Variants in HOMER3 observed in about 807,000 individuals in gnomAD.
The protein encoded by HOMER3 is homer scaffold protein 3, also known as homer protein homolog 3.
HOMER3 carries 34 observed loss-of-function variants against 45.5 expected under a neutral mutation model. The ratio of observed to expected loss-of-function variants is 0.75; its 90% CI spans 0.57 to 1.00. HOMER3 has a LOEUF of 1.00. Ranked by LOEUF, HOMER3 falls within the 50% of genes least tolerant of loss-of-function variation. The probability of loss-of-function intolerance (pLI) is 0.00; values close to 1 mark genes in which losing one functional copy is unlikely to be tolerated. For missense variants in HOMER3, 480 were observed against 497.5 expected (o/e 0.96, Z 0.33); for synonymous variants, 223 against 208.8 (o/e 1.07, Z -0.58).
Position 18,931,998 on chromosome 19 carries a change from T to TGCG in HOMER3, c.667_668insCGC (p.Glu223delinsAlaGln). 2 of 1,544,128 alleles carry TGCG rather than the reference T, an allele frequency of 1.3e-6. No individual in the cohort carries two copies. The highest frequency in any genetic ancestry group is 1.7e-6 in the Non-Finnish European group (2 of 1,145,102). ...CACCCGCTGCCGCAGCCGCTCGGCC[T>TGCG]CTGCACGCTGAGCCTCCAGCTGCTG... On this transcript the variant is annotated protein_altering_variant, in exon 7 of 10. Coordinates refer to ENST00000392351, the MANE Select transcript of HOMER3 (RefSeq NM_004838.4).
At chr19:18,938,207 A>G in intron 4 of HOMER3, 146 bp downstream of exon 4, 1 of 843,532 alleles carries the variant, frequency 1.2e-6, no homozygotes, top group East Asian at 2.5e-5. Context: ...GGGGAAGCTT[A>G]AAGGGGCTTC....
At chr19:18,931,269 G>C in intron 9 of HOMER3, 56 bp downstream of exon 9, 1 of 1,411,976 alleles carries the variant, frequency 7.1e-7, no homozygotes, top group Non-Finnish European at 1.0e-6. Context: ...TGTCCTGAGT[G>C]TCTGTTGAGG....
intron 4 of HOMER3, 73 bp downstream of exon 4, chr19:18,938,280 C>A: frequency 2.6e-6 from 4 of 1,519,918 alleles, no homozygotes; most frequent in Non-Finnish European, 3.6e-6. Flanking sequence ...GCCCAAGATC[C>A]CAGAGTGAGC....
chr19:18,938,540 AC>A, intron 3 of HOMER3, 56 bp from the exon 4 acceptor site: 1 of 1,581,636 alleles, frequency 6.3e-7, no homozygotes, highest in Non-Finnish European at 8.7e-7. Flanking sequence ...CAAACATGAA[AC>A]CCCCCAGGTA....
rs73529159 is a variant in HOMER3, at chr19:18,933,049, G to C, written c.412-4C>G. On this transcript the variant is annotated splice_polypyrimidine_tract_variant and splice_region_variant and intron_variant, in intron 5 of 9. Coordinates refer to ENST00000392351, the MANE Select transcript of HOMER3 (RefSeq NM_004838.4). ...TGACGAGAGGGCTCGGGGGCACCTA[G>C]GCACGGGGAAAAGAATAGGTCACGA... 385 of 1,489,284 alleles carry C rather than the reference G, an allele frequency of 2.6e-4. No homozygotes were observed. Among genetic ancestry groups the C allele is most frequent in the Non-Finnish European group, 3.2e-4 (361 of 1,124,522 alleles). The allele number at this position is 1,489,284 out of a possible 1,614,324, so 92.3% of individuals were successfully genotyped here. A position where few individuals can be genotyped will look rare whatever the true frequency, so the allele number is the denominator to read the frequency against.
intron 6 of HOMER3, 51 bp downstream of exon 6, chr19:18,932,873 T>TCCCCCCCCCCCAAACCCC: frequency 1.1e-6 from 1 of 877,174 alleles, no homozygotes; most frequent in Non-Finnish European, 1.6e-6. Context: ...CGCCTCCTCG[T>TCCCCCCCCCCCAAACCCC]CCCCCACCCC....
At chr19:18,938,324 C>G (rs754362824) in intron 4 of HOMER3, 29 bp downstream of exon 4, 4 of 1,589,540 alleles carry the variant, frequency 2.5e-6, no homozygotes, top group Non-Finnish European at 3.4e-6. Context: ...CTCATCGGTT[C>G]CCTCCACTCT....
chr19:18,936,474 T>G (rs909447927), intron 4 of HOMER3, among the ~76,000 whole-genome samples: 1 of 151,322 alleles, frequency 6.6e-6, no homozygotes, highest in Non-Finnish European at 1.5e-5. Context: ...CTGTCTCTGC[T>G]AAGAATACAA....
At chr19:18,938,212 G>A in intron 4 of HOMER3, 141 bp downstream of exon 4, 1 of 872,356 alleles carries the variant, frequency 1.1e-6, no homozygotes, top group Non-Finnish European at 1.7e-6. Flanking sequence ...AGCTTAAAGG[G>A]GCTTCAGTCT....
downstream of HOMER3, chr19:18,929,202 C>T (rs2056999985): frequency 1.3e-6 from 1 of 759,206 alleles, no homozygotes. Context: ...ACACACACAG[C>T]CACGCTTAGA....
intron 6 of HOMER3, 68 bp from the exon 7 acceptor site, chr19:18,932,200 T>G: frequency 1.7e-6 from 2 of 1,156,378 alleles, no homozygotes; most frequent in Non-Finnish European, 2.2e-6. Context: ...GATGCTGGGC[T>G]AGGGGGCGGG....
intron 1 of HOMER3, chr19:18,939,293 T>A: frequency 3.1e-6 from 1 of 326,662 alleles, no homozygotes; most frequent in Non-Finnish European, 5.6e-6. Context: ...TTTAAACAAT[T>A]AGCTGGGTGT....
At chr19:18,934,256 T>C (rs1339012818) in intron 5 of HOMER3, 47 bp downstream of exon 5, 27 of 1,162,660 alleles carry the variant, frequency 2.3e-5, no homozygotes, top group Non-Finnish European at 2.3e-5. Flanking sequence ...AGCGCCTGGC[T>C]GACTCACAGG....
At chr19:18,940,028 A>C (rs556070375) in intron 1 of HOMER3, 2 of 152,680 alleles carry the variant, frequency 1.3e-5, no homozygotes, top group East Asian at 3.9e-4. Context: ...GCAGGGGACC[A>C]AGGAGGAGTT....
intron 5 of HOMER3, among the ~76,000 whole-genome samples, chr19:18,933,525 C>T (rs1454966599): frequency 1.3e-5 from 2 of 152,292 alleles, no homozygotes; most frequent in East Asian, 3.9e-4. Flanking sequence ...GAGAGGCCAG[C>T]GCCACCGCAG....
intron 9 of HOMER3, among the ~76,000 whole-genome samples, chr19:18,930,073 A>C (rs2057014140): frequency 6.6e-6 from 1 of 151,604 alleles, no homozygotes; most frequent in Non-Finnish European, 1.5e-5. Context: ...AACATGGTAA[A>C]ACTCCATCTC....
rs1327132158 is a variant in HOMER3 at position 18,931,561 on chromosome 19, C to T, written c.755G>A (p.Gly252Asp). Residue 252 changes from glycine to aspartate, a missense_variant, in exon 8 of 10, where the codon GGC (glycine) becomes GAC (aspartate). Coordinates refer to ENST00000392351, the MANE Select transcript of HOMER3 (RefSeq NM_004838.4). ...CAGCTGTTCCAGCGACTGGCCCTGG[C>T]CCAGCCCCTCCTTCTCACCGGTGGG... Reference protein sequence around the residue: ...VTPTGEKEGLGQGQSLEQLEA... With the variant: ...VTPTGEKEGLDQGQSLEQLEA... 6.2e-7 allele frequency: 1 copy of T among 1,613,462 alleles called. No homozygotes were observed. The highest frequency in any genetic ancestry group is 8.5e-7 in the Non-Finnish European group (1 of 1,179,946).
intron 6 of HOMER3, 57 bp from the exon 7 acceptor site, chr19:18,932,189 C>T (rs2057041928): frequency 2.4e-6 from 2 of 816,926 alleles, no homozygotes; most frequent in African/African-American, 4.3e-5. Context: ...CGGAGTCGGG[C>T]GATGCTGGGC....
At chr19:18,935,371 C>T (rs372414017) in intron 4 of HOMER3, among the ~76,000 whole-genome samples, 4 of 151,814 alleles carry the variant, frequency 2.6e-5, no homozygotes, top group Non-Finnish European at 5.9e-5. Flanking sequence ...CTCCTGACCC[C>T]GTGATCCACC....
Sources: allele counts gnomAD v4.1 joint callset (sites outside exome capture counted in the v4.1 genomes callset), GRCh38; gene constraint gnomAD v4.1.1; transcripts MANE v1.5; gene names NCBI Gene and HGNC (gene_info 2026-07-23, HGNC 2026-07-21).